The following RERE variants were observed in gnomAD, a reference collection of about 807,000 sequenced individuals.
RERE encodes arginine-glutamic acid dipeptide repeats protein.
RERE carries 40 observed loss-of-function variants against 146.1 expected under a neutral mutation model. That is an observed-to-expected ratio of 0.27 (90% confidence interval 0.21 to 0.36). The LOEUF is 0.36. RERE is among the 10% of genes least tolerant of loss of function. The pLI is 1.00. For synonymous variants in RERE, 1,003 were observed against 866.0 expected (o/e 1.16, Z -2.78); for missense variants, 1,933 against 2,138.7 (o/e 0.90, Z 1.90).
At chr1:8,467,708 G>A (rs1405274097) in intron 10 of RERE, among the ~76,000 whole-genome samples, 3 of 151,874 alleles carry the variant, frequency 2.0e-5, no homozygotes, top group Non-Finnish European at 4.4e-5. Context: ...GCAGTGGCGC[G>A]ATCACGGCTC....
intron 8 of RERE, among the ~76,000 whole-genome samples, chr1:8,500,714 T>C (rs1645122709): frequency 6.7e-6 from 1 of 149,818 alleles, no homozygotes; most frequent in Non-Finnish European, 1.5e-5. Context: ...CTGCCCAGTC[T>C]GGAAAGTGAG....
At chr1:8,780,395 G>C (rs1641143168) in intron 1 of RERE, among the ~76,000 whole-genome samples, 1 of 152,212 alleles carries the variant, frequency 6.6e-6, no homozygotes, top group African/African-American at 2.4e-5. Flanking sequence ...CTGCATCCCA[G>C]TGGACTAGGA....
chr1:8,809,308 T>C, intron 1 of RERE, among the ~76,000 whole-genome samples: 1 of 152,244 alleles, frequency 6.6e-6, no homozygotes, highest in East Asian at 1.9e-4. Context: ...CCAAAATACA[T>C]AATGATTATC....
At chr1:8,403,132 C>T (rs769156962) in intron 12 of RERE, among the ~76,000 whole-genome samples, 3 of 151,992 alleles carry the variant, frequency 2.0e-5, no homozygotes, top group Non-Finnish European at 2.9e-5. Context: ...TTCCTGACCC[C>T]GTGATCTGCC....
At chr1:8,680,926 C>A (rs973559745) in intron 1 of RERE, among the ~76,000 whole-genome samples, 1 of 152,130 alleles carries the variant, frequency 6.6e-6, no homozygotes, top group Non-Finnish European at 1.5e-5. Context: ...GTCAATCTCG[C>A]AGGAATACTT....
chr1:8,367,938 A>G (rs1322525302), intron 12 of RERE, among the ~76,000 whole-genome samples: 2 of 152,214 alleles, frequency 1.3e-5, no homozygotes, highest in Non-Finnish European at 2.9e-5. Flanking sequence ...CTGCTGACAT[A>G]AACGCTGACT....
At chr1:8,646,736 C>T (rs1174482542) in intron 2 of RERE, among the ~76,000 whole-genome samples, 1 of 152,146 alleles carries the variant, frequency 6.6e-6, no homozygotes, top group Non-Finnish European at 1.5e-5. Context: ...AAAGAGAATG[C>T]TATGAAAGAT....
chr1:8,552,941 C>T (rs1183592287), intron 6 of RERE, among the ~76,000 whole-genome samples: 1 of 151,888 alleles, frequency 6.6e-6, no homozygotes, highest in Non-Finnish European at 1.5e-5. Context: ...TGACACCACA[C>T]CACTAGGCCA....
chr1:8,755,606 T>G (rs897058755), intron 1 of RERE, among the ~76,000 whole-genome samples: 3 of 152,172 alleles, frequency 2.0e-5, no homozygotes, highest in Non-Finnish European at 4.4e-5. Context: ...CTAAATAGTA[T>G]GCCAAGTAGC....
At position 8,375,431 on chromosome 1, in the gene RERE, G is replaced by T. The variant is rs543707766; in HGVS notation, c.1285-9457C>A. Reference sequence around the variant, plus strand: ...TTATTTCTTATGGGCCAGTGAAAACGCAATCCACATGCCGATGTTTGGAAG... The same window carrying T: ...TTATTTCTTATGGGCCAGTGAAAACTCAATCCACATGCCGATGTTTGGAAG... On this transcript the variant is annotated intron_variant, in intron 12 of 22. Transcript: ENST00000400908. 7.5e-4 allele frequency among the ~76,000 whole-genome samples: 114 copies of T among 152,334 alleles called. 1 individual carries two copies. The highest frequency in any genetic ancestry group is 2.6e-3 in the African/African-American group (108 of 41,564).
At chr1:8,530,512 G>A (rs114358040) in intron 7 of RERE, among the ~76,000 whole-genome samples, 1,578 of 152,072 alleles carry the variant, frequency 0.01, 28 homozygotes, top group African/African-American at 0.035. Context: ...GAGGCGGGGC[G>A]GGGAGGGGAA....
intron 1 of RERE, among the ~76,000 whole-genome samples, chr1:8,744,021 G>T (rs1481909074): frequency 6.6e-6 from 1 of 152,132 alleles, no homozygotes; most frequent in Non-Finnish European, 1.5e-5. Flanking sequence ...AAGCACAGTA[G>T]GTGCTCAATA....
chr1:8,360,493 G>C lies in RERE; in HGVS notation c.3014C>G (p.Pro1005Arg). ...QPLPSSPAQPPGLTQSQNLPP... is the reference protein window; with the variant it reads ...QPLPSSPAQPRGLTQSQNLPP... ...CAGGTTCTGGCTCTGGGTCAGCCCG[G>C]GGGGCTGGGCGGGCGAGGAGGGCAA... The change falls in exon 18 of 23, where the codon CCC becomes CGC. Residue 1005 changes from proline to arginine, a missense_variant. By Grantham distance (103) the Pro-to-Arg change is moderately radical (BLOSUM62 -2). Transcript: ENST00000400908. 7.3e-7 allele frequency: 1 copy of C among 1,378,562 alleles called. No homozygotes were observed. The highest frequency in any genetic ancestry group is 1.5e-5 in the South Asian group (1 of 66,756). The allele number at this position is 1,378,562 out of a possible 1,614,324, so 85.4% of individuals were successfully genotyped here. A position where few individuals can be genotyped will look rare whatever the true frequency, so the allele number is the denominator to read the frequency against.
intron 1 of RERE, among the ~76,000 whole-genome samples, chr1:8,674,209 A>G (rs960770156): frequency 6.6e-6 from 1 of 152,176 alleles, no homozygotes; most frequent in Non-Finnish European, 1.5e-5. Flanking sequence ...CCATAGATCA[A>G]TGGCCTAAGA....
At chr1:8,665,113 T>C (rs1050591866) in intron 1 of RERE, among the ~76,000 whole-genome samples, 2 of 152,198 alleles carry the variant, frequency 1.3e-5, no homozygotes, top group African/African-American at 4.8e-5. Flanking sequence ...CCAGAGTCCT[T>C]TGCTAAGGTT....
intron 11 of RERE, 21 bp downstream of exon 11, chr1:8,465,904 C>CAAAAA: frequency 6.2e-7 from 1 of 1,609,556 alleles, no homozygotes; most frequent in Non-Finnish European, 8.5e-7. Flanking sequence ...GAGCACAAGG[C>CAAAAA]AAATGCTGGT....
chr1:8,443,650 G>T (rs1035343278), intron 11 of RERE, among the ~76,000 whole-genome samples: 2 of 152,154 alleles, frequency 1.3e-5, no homozygotes, highest in African/African-American at 4.8e-5. Flanking sequence ...CATAGGATGA[G>T]AAACCTAAGA....
chr1:8,430,861 C>T (rs1351944940), intron 11 of RERE, among the ~76,000 whole-genome samples: 9 of 152,208 alleles, frequency 5.9e-5, no homozygotes, highest in African/African-American at 2.2e-4. Context: ...ATCTAATCAT[C>T]ATCAGGGCCA....
chr1:8,519,481 G>A (rs796796052), intron 7 of RERE, among the ~76,000 whole-genome samples: 16 of 152,240 alleles, frequency 1.1e-4, no homozygotes, highest in African/African-American at 3.9e-4. Flanking sequence ...TGTTTGCTCT[G>A]TGATTTTGAG....
Sources: allele counts gnomAD v4.1 joint callset (sites outside exome capture counted in the v4.1 genomes callset), GRCh38; gene constraint gnomAD v4.1.1; transcripts MANE v1.5; gene names NCBI Gene and HGNC (gene_info 2026-07-23, HGNC 2026-07-21).